The following ABCA13 variants were observed in gnomAD, a reference collection of about 807,000 sequenced individuals.
ABCA13 encodes ATP-binding cassette sub-family A member 13.
Under a neutral mutation model 478.7 loss-of-function variants are expected in ABCA13, and 476 were observed. The ratio of observed to expected loss-of-function variants is 0.99; its 90% confidence interval spans 0.92 to 1.07. ABCA13 has a LOEUF of 1.07. Among genes scored for constraint, ABCA13 ranks in the 50% least tolerant of loss-of-function variants. ABCA13 has a pLI of 0.00. For synonymous variants in ABCA13, 2,252 were observed against 2,158.9 expected, an observed-to-expected ratio of 1.04 and a Z score of -1.20; for missense variants, 6,060 against 5,910.6, an observed-to-expected ratio of 1.03 and a Z score of -0.83.
At chr7:48,308,740 G>T (rs1801290560) in intron 23 of ABCA13, among the ~76,000 whole-genome samples, 1 of 151,826 alleles carries the variant, frequency 6.6e-6, no homozygotes, top group Non-Finnish European at 1.5e-5. Context: ...GGTCCCATGA[G>T]ATTATACTAC....
chr7:48,524,100 G>T, intron 53 of ABCA13, 148 bp from the exon 54 acceptor site: 1 of 608,896 alleles, frequency 1.6e-6, no homozygotes. Context: ...CAGGATGGCA[G>T]AACTGGGGTG....
intron 41 of ABCA13, among the ~76,000 whole-genome samples, chr7:48,426,019 G>A (rs1821377909): frequency 6.6e-6 from 1 of 152,208 alleles, no homozygotes; most frequent in Admixed American, 6.5e-5. Flanking sequence ...GGGATTACAG[G>A]CGTGAGCCAC....
At chr7:48,306,636 T>C (rs1800941276) in intron 23 of ABCA13, among the ~76,000 whole-genome samples, 1 of 152,176 alleles carries the variant, frequency 6.6e-6, no homozygotes, top group South Asian at 2.1e-4. Flanking sequence ...ACTTCACCAA[T>C]GTGTGTCTGC....
At chr7:48,600,277 AT>A (rs1191150047) in intron 58 of ABCA13, among the ~76,000 whole-genome samples, 4 of 150,768 alleles carry the variant, frequency 2.7e-5, no homozygotes, top group Admixed American at 6.6e-5. Flanking sequence ...ATCTTTTCAT[AT>A]TCTTTTACTT....
chr7:48,364,378 T>C (rs963154006), intron 31 of ABCA13, among the ~76,000 whole-genome samples: 8 of 152,310 alleles, frequency 5.3e-5, no homozygotes, highest in Admixed American at 1.3e-4. Context: ...ATCAGGGTAA[T>C]TGAGATAGCC....
At chr7:48,578,168 T>A (rs1040541762) in intron 55 of ABCA13, among the ~76,000 whole-genome samples, 11 of 152,110 alleles carry the variant, frequency 7.2e-5, no homozygotes, top group African/African-American at 2.7e-4. Flanking sequence ...GAACAAGATG[T>A]CCTCTCTCTC....
In ABCA13 at chr7:48,309,832, G is replaced by A. The variant is rs553707357; in HGVS notation, c.9322-115G>A. The stretch of plus-strand genomic sequence containing the variant: ...CTCCCCGCATCTGCAGGTCAGTCCC[G>A]GGAGTTGGGAAATCCACTCTTGGGC... On this transcript the variant is annotated intron_variant, in intron 23 of 61. Coordinates refer to ENST00000435803, the MANE Select transcript of ABCA13 (RefSeq NM_152701.5). The A allele has an allele frequency of 2.8e-5, 33 of 1,193,858 alleles. No individual in the cohort carries two copies. The South Asian group carries it at 3.1e-4, about 11-fold the overall frequency. The allele number at this position is 1,193,858 out of a possible 1,614,324, so 74.0% of individuals were successfully genotyped here. A position where few individuals can be genotyped will look rare whatever the true frequency, so the allele number is the denominator to read the frequency against.
At chr7:48,524,471 TG>T (rs766769997) in intron 54 of ABCA13, 31 bp downstream of exon 54, 5 of 1,579,366 alleles carry the variant, frequency 3.2e-6, no homozygotes, top group Non-Finnish European at 4.3e-6. Flanking sequence ...AATCTTCTTC[TG>T]TTGTGAACCT....
chr7:48,337,042 A>G (rs1282897352), intron 28 of ABCA13, among the ~76,000 whole-genome samples: 3 of 152,242 alleles, frequency 2.0e-5, no homozygotes, highest in Non-Finnish European at 4.4e-5. Context: ...CTTACTAAGT[A>G]GCCATGTCAG....
At chr7:48,458,316 A>C (rs1007692902) in intron 43 of ABCA13, among the ~76,000 whole-genome samples, 3 of 152,204 alleles carry the variant, frequency 2.0e-5, no homozygotes, top group Non-Finnish European at 4.4e-5. Context: ...CACCCGTGGT[A>C]ACCCAGCACC....
At chr7:48,411,493 A>G (rs1480726711) in intron 40 of ABCA13, among the ~76,000 whole-genome samples, 4 of 151,912 alleles carry the variant, frequency 2.6e-5, no homozygotes, top group Non-Finnish European at 5.9e-5. Flanking sequence ...TTTTTAGTAA[A>G]GATGGGGTTT....
intron 52 of ABCA13, among the ~76,000 whole-genome samples, chr7:48,517,831 G>A (rs1268288879): frequency 6.6e-6 from 1 of 152,130 alleles, no homozygotes; most frequent in African/African-American, 2.4e-5. Context: ...GCCAGCTCAG[G>A]GGCTGAGAAA....
chr7:48,384,306 A>G (rs1276213646), intron 35 of ABCA13, among the ~76,000 whole-genome samples: 1 of 152,210 alleles, frequency 6.6e-6, no homozygotes, highest in Non-Finnish European at 1.5e-5. Context: ...TTTTCGTGTA[A>G]TTGGTACTGG....
chr7:48,633,574 G>A (rs918570455), intron 59 of ABCA13, among the ~76,000 whole-genome samples: 2 of 151,856 alleles, frequency 1.3e-5, no homozygotes, highest in African/African-American at 4.8e-5. Context: ...AACCACAATG[G>A]AATATAAAAA....
intron 23 of ABCA13, among the ~76,000 whole-genome samples, chr7:48,307,856 G>A (rs1801147811): frequency 6.6e-6 from 1 of 151,824 alleles, no homozygotes; most frequent in Non-Finnish European, 1.5e-5. Flanking sequence ...AATTTTTTTT[G>A]TATTTTAAGT....
intron 3 of ABCA13, among the ~76,000 whole-genome samples, chr7:48,211,058 T>C (rs1785579637): frequency 6.6e-6 from 1 of 152,210 alleles, no homozygotes; most frequent in South Asian, 2.1e-4. Flanking sequence ...TATATTTATA[T>C]TACATTTCGC....
At chr7:48,230,070 T>A in intron 7 of ABCA13, 115 bp downstream of exon 7, 1 of 1,269,496 alleles carries the variant, frequency 7.9e-7, no homozygotes, top group Non-Finnish European at 1.0e-6. Context: ...AATTTCAAAT[T>A]CAAAAAAGTA....
chr7:48,601,154 T>G (rs1790855414), intron 58 of ABCA13, among the ~76,000 whole-genome samples: 1 of 152,202 alleles, frequency 6.6e-6, no homozygotes, highest in African/African-American at 2.4e-5. Flanking sequence ...CTGATTTATT[T>G]TTTTTATAAT....
chr7:48,510,242 A>G (rs1831555946), intron 50 of ABCA13, among the ~76,000 whole-genome samples: 5 of 152,230 alleles, frequency 3.3e-5, no homozygotes, highest in Admixed American at 3.3e-4. Flanking sequence ...ATGACTTCAA[A>G]TGTGAAGGTC....
Sources: allele counts gnomAD v4.1 joint callset (sites outside exome capture counted in the v4.1 genomes callset), GRCh38; gene constraint gnomAD v4.1.1; transcripts MANE v1.5; gene names NCBI Gene and HGNC (gene_info 2026-07-23, HGNC 2026-07-21).